Variants in LY96 observed in about 807,000 individuals in gnomAD.
LY96 encodes the protein myeloid differentiation protein-2.
Under a neutral mutation model 18.9 loss-of-function variants are expected in LY96, and 18 were observed. That is an observed-to-expected ratio of 0.95 (90% CI 0.66 to 1.41). LY96 has a LOEUF of 1.41. Ranked by LOEUF, LY96 falls within the 40% of genes most tolerant of loss-of-function variation. LY96 has a pLI of 0.00. For missense variants in LY96, 175 were observed against 182.4 expected (o/e 0.96, Z 0.23); for synonymous variants, 66 against 62.6 (o/e 1.06, Z -0.26).
chr8:74,002,233 C>T (rs1816312254), intron 1 of LY96, among the ~76,000 whole-genome samples: 1 of 150,470 alleles, frequency 6.6e-6, no homozygotes. Context: ...GCTTCCCAGG[C>T]TCAACTGATT....
the LY96 span, among the ~76,000 whole-genome samples, chr8:74,086,635 T>C: frequency 6.6e-6 from 1 of 152,248 alleles, no homozygotes; most frequent in Non-Finnish European, 1.5e-5. Context: ...TAACTGATGC[T>C]GTTTGCTTGA....
the LY96 span, among the ~76,000 whole-genome samples, chr8:74,035,444 C>A: frequency 6.6e-6 from 1 of 152,130 alleles, no homozygotes; most frequent in African/African-American, 2.4e-5. Context: ...TTGCCTCTGG[C>A]AAATCTTGGT....
rs545609505 is a variant in LY96 at position 74,023,714 on chromosome 8, C to A, written c.332-3075C>A. 3.9e-5 allele frequency among the ~76,000 whole-genome samples: 6 copies of A among 152,242 alleles called. No individual in the cohort carries two copies. In the South Asian group the frequency reaches 1.2e-3, roughly 32 times the overall value. On this transcript the variant is annotated intron_variant, in intron 3 of 4. Transcript: ENST00000284818. ...CTGGCTTGTGTTAGTTTCCTCTGGC[C>A]AGCTCGAGGCACCCTCTGGGGTTGA...
the LY96 span, among the ~76,000 whole-genome samples, chr8:74,042,490 C>G: frequency 1.8e-3 from 272 of 152,200 alleles, 1 homozygote; most frequent in African/African-American, 5.6e-3. Context: ...TTCACTCCAG[C>G]CTGGGTGACA....
At chr8:74,024,892 A>G (rs1816837568) in intron 3 of LY96, among the ~76,000 whole-genome samples, 1 of 152,198 alleles carries the variant, frequency 6.6e-6, no homozygotes, top group Non-Finnish European at 1.5e-5. Flanking sequence ...AAGTGGCACG[A>G]ACACAGCTCA....
chr8:74,032,371 C>T (rs1351324541), downstream of LY96, among the ~76,000 whole-genome samples: 2 of 152,208 alleles, frequency 1.3e-5, no homozygotes, highest in South Asian at 2.1e-4. Context: ...GCAGACAGCC[C>T]GGCGTGCTGC....
chr8:74,059,188 G>A, the LY96 span, among the ~76,000 whole-genome samples: 1 of 152,126 alleles, frequency 6.6e-6, no homozygotes, highest in Non-Finnish European at 1.5e-5. Context: ...CTGTGGCCCA[G>A]GCAAATTGGT....
the LY96 span, among the ~76,000 whole-genome samples, chr8:74,073,392 T>A: frequency 2.6e-5 from 4 of 152,178 alleles, no homozygotes; most frequent in African/African-American, 9.7e-5. Flanking sequence ...TCACAGATGA[T>A]CTCATTCAGT....
the LY96 span, among the ~76,000 whole-genome samples, chr8:74,080,980 CTCTCTCTTTCTT>C: frequency 8.7e-4 from 110 of 126,814 alleles, 5 homozygotes; most frequent in African/African-American, 3.8e-3. Flanking sequence ...TTCTTTCTTT[CTCTCTCTTTCTT>C]TCTTTCTTTC....
chr8:74,051,584 A>C, the LY96 span, among the ~76,000 whole-genome samples: 1 of 152,132 alleles, frequency 6.6e-6, no homozygotes, highest in Non-Finnish European at 1.5e-5. Flanking sequence ...CCTGTGTTGC[A>C]ATCCTAATCC....
the LY96 span, among the ~76,000 whole-genome samples, chr8:74,067,100 T>C: frequency 6.6e-6 from 1 of 152,176 alleles, no homozygotes; most frequent in Non-Finnish European, 1.5e-5. Context: ...TGGCAAAAGT[T>C]TTGGTTACAG....
At chr8:74,057,813 C>A in the LY96 span, among the ~76,000 whole-genome samples, 1 of 152,202 alleles carries the variant, frequency 6.6e-6, no homozygotes, top group Non-Finnish European at 1.5e-5. Context: ...AATTTCCTTA[C>A]CTTACGTTTT....
intron 4 of LY96, 61 bp downstream of exon 4, chr8:74,026,902 T>C (rs186238527): frequency 1.3e-4 from 107 of 855,306 alleles, no homozygotes; most frequent in Non-Finnish European, 2.0e-4. Flanking sequence ...ATGTTAAGCA[T>C]TTGAAACAAG....
the LY96 span, among the ~76,000 whole-genome samples, chr8:74,053,731 CA>C: frequency 6.6e-6 from 1 of 152,200 alleles, no homozygotes; most frequent in African/African-American, 2.4e-5. Context: ...ATGTGTCTGC[CA>C]AATTTCATGT....
the LY96 span, among the ~76,000 whole-genome samples, chr8:74,080,706 A>G: frequency 6.6e-6 from 1 of 152,226 alleles, no homozygotes; most frequent in African/African-American, 2.4e-5. Context: ...TGAGAGAGGT[A>G]AACGGGGTAG....
At chr8:74,046,574 C>A in the LY96 span, among the ~76,000 whole-genome samples, 3 of 151,958 alleles carry the variant, frequency 2.0e-5, no homozygotes, top group African/African-American at 7.3e-5. Context: ...GCCCACCCCC[C>A]ACGCAAAAAA....
intron 2 of LY96, 92 bp from the exon 3 acceptor site, chr8:74,009,909 A>G: frequency 1.1e-6 from 1 of 883,446 alleles, no homozygotes. Context: ...TAAGAAAAGC[A>G]CAGGGCCCCT....
chr8:74,033,447 C>T (rs868007753), downstream of LY96, among the ~76,000 whole-genome samples: 3 of 152,194 alleles, frequency 2.0e-5, no homozygotes, highest in African/African-American at 7.2e-5. Flanking sequence ...GGACTGAGTC[C>T]TTTGGCCCAA....
the LY96 span, among the ~76,000 whole-genome samples, chr8:74,039,759 C>T: frequency 6.6e-6 from 1 of 152,208 alleles, no homozygotes; most frequent in Non-Finnish European, 1.5e-5. Context: ...ACTATTTCTT[C>T]TACCGCTATC....
Sources: allele counts gnomAD v4.1 joint callset (sites outside exome capture counted in the v4.1 genomes callset), GRCh38; gene constraint gnomAD v4.1.1; transcripts MANE v1.5; gene names NCBI Gene and HGNC (gene_info 2026-07-23, HGNC 2026-07-21).